Variants in SYN3 observed in about 807,000 individuals in gnomAD.
SYN3 encodes synapsin III.
Under a neutral mutation model 65.8 loss-of-function variants are expected in SYN3, and 35 were observed. The observed-to-expected ratio is 0.53, with a 90% CI of 0.41 to 0.70. SYN3 has a LOEUF of 0.70. Ranked by LOEUF, SYN3 falls within the 30% of genes least tolerant of loss-of-function variation. The pLI, the probability that SYN3 is intolerant of heterozygous loss-of-function variation, is 0.00. For synonymous variants in SYN3, 270 were observed against 292.9 expected (o/e 0.92, Z 0.80); for missense variants, 680 against 749.0 (o/e 0.91, Z 1.08).
At chr22:32,992,490 G>A (rs186572992) in intron 2 of SYN3, among the ~76,000 whole-genome samples, 186 of 152,230 alleles carry the variant, frequency 1.2e-3, no homozygotes, top group Middle Eastern at 3.4e-3. Flanking sequence ...AGCTTGGGGG[G>A]TTTCTAAACT....
At chr22:32,800,698 G>A (rs1182135887) in intron 6 of SYN3, among the ~76,000 whole-genome samples, 1 of 152,266 alleles carries the variant, frequency 6.6e-6, no homozygotes, top group East Asian at 1.9e-4. Flanking sequence ...CCTTGCTGAA[G>A]GGTGGAGCTC....
At chr22:32,777,796 C>T (rs2045945034) in intron 6 of SYN3, among the ~76,000 whole-genome samples, 1 of 151,812 alleles carries the variant, frequency 6.6e-6, no homozygotes. Flanking sequence ...TGAATTAACT[C>T]TTTTTTTTGT....
intron 1 of SYN3, among the ~76,000 whole-genome samples, chr22:33,028,643 A>ATGGTGGTGGTGGTGGTGATGG (rs2053680781): frequency 1.1e-5 from 1 of 93,136 alleles, no homozygotes; most frequent in South Asian, 4.4e-4. Context: ...AAGAACCATG[A>ATGGTGGTGGTGGTGGTGATGG]TGGTGGTGGT....
In SYN3 at chr22:32,801,860, GGAGGGCAGC is replaced by G; in HGVS notation, c.711+63046_711+63054del. 9.0e-7 allele frequency: 1 copy of G among 1,106,096 alleles called. No homozygotes were observed. The highest frequency in any genetic ancestry group is 1.1e-6 in the Non-Finnish European group (1 of 875,176). 68.5% of individuals were successfully genotyped at this position (1,106,096 alleles called of 1,614,324 possible). A position where few individuals can be genotyped will look rare whatever the true frequency, so the allele number is the denominator to read the frequency against. On this transcript the variant is annotated intron_variant, in intron 6 of 13. Transcript: ENST00000358763. This position sits in a 1 kb window ranked among gnomAD's most constrained non-coding sequence, Gnocchi z 4.7. ...CCCCATCCCGTCCCGCCGGGCACTCGGAGGGCAGCGCGCCGGAGGCCAAGGTTGCCCCGC... is the reference window on the plus strand; with the variant it reads ...CCCCATCCCGTCCCGCCGGGCACTCGGCGCCGGAGGCCAAGGTTGCCCCGC...
intron 7 of SYN3, among the ~76,000 whole-genome samples, chr22:32,562,258 C>T (rs143833599): frequency 3.3e-5 from 5 of 152,352 alleles, no homozygotes; most frequent in East Asian, 1.9e-4. Context: ...CGTCTCCAGC[C>T]GACTGGAACC....
chr22:32,683,315 G>T (rs1260163677), intron 6 of SYN3, among the ~76,000 whole-genome samples: 1 of 152,032 alleles, frequency 6.6e-6, no homozygotes, highest in Non-Finnish European at 1.5e-5. Context: ...CCTGGGGTAG[G>T]TGATCAGGCT....
chr22:32,986,073 G>A (rs1219167626), intron 2 of SYN3, among the ~76,000 whole-genome samples: 3 of 152,062 alleles, frequency 2.0e-5, no homozygotes, highest in African/African-American at 4.8e-5. Context: ...ACCAGAAACT[G>A]AGTCTCCATG....
At chr22:32,935,347 C>T (rs866692976) in intron 3 of SYN3, among the ~76,000 whole-genome samples, 6 of 151,662 alleles carry the variant, frequency 4.0e-5, no homozygotes, top group Middle Eastern at 3.4e-3. Flanking sequence ...AGTTATTCAC[C>T]TATATCGCAA....
chr22:32,816,465 G>T (rs1211570248), intron 6 of SYN3, among the ~76,000 whole-genome samples: 1 of 152,202 alleles, frequency 6.6e-6, no homozygotes, highest in Non-Finnish European at 1.5e-5. Context: ...CTTCCTGCAG[G>T]CTGGAGACCT....
chr22:32,992,219 C>G (rs1041100989), intron 2 of SYN3, among the ~76,000 whole-genome samples: 1 of 152,196 alleles, frequency 6.6e-6, no homozygotes, highest in Admixed American at 6.5e-5. Context: ...ACTTCAGGGC[C>G]GAGCCTCCCT....
rs543558443 is a variant in SYN3, at chr22:32,508,826, CACTCTCTTG to C, written c.*4857_*4865del. 3.2e-3 allele frequency among the ~76,000 whole-genome samples: 485 copies of C among 152,340 alleles called. 2 individuals are homozygous for C. The highest frequency in any genetic ancestry group is 0.01 in the African/African-American group (426 of 41,570). ...GTGCCAAGCAATGTGCTCTGAGCTT[CACTCTCTTG>C]ACCCATGCACAAGATACCTGCACTA... On this transcript the variant is annotated 3_prime_UTR_variant, in exon 14 of 14. Transcript: ENST00000358763.
chr22:32,538,015 T>C, intron 9 of SYN3, 21 bp downstream of exon 9: 4 of 1,612,466 alleles, frequency 2.5e-6, no homozygotes, highest in Non-Finnish European at 2.5e-6. Flanking sequence ...TGCCTCTCCC[T>C]ACACCTCCTT....
rs2057687446 is a variant in SYN3, at chr22:32,511,169, C to T, written c.*2523G>A. 6.6e-6 allele frequency among the ~76,000 whole-genome samples: 1 copy of T among 152,126 alleles called. No individual in the cohort carries two copies. Among genetic ancestry groups the T allele is most frequent in the Non-Finnish European group, 1.5e-5 (1 of 68,032 alleles). On this transcript the variant is annotated 3_prime_UTR_variant, in exon 14 of 14. Coordinates refer to ENST00000358763, the MANE Select transcript of SYN3 (RefSeq NM_003490.4). ...ACCTCCCGTCTCTTTTCCCTATGCC[C>T]CACTTGGCTTTCTTCAGAAATTCCA...
At chr22:32,991,503 G>A (rs532182314) in intron 2 of SYN3, among the ~76,000 whole-genome samples, 8 of 152,248 alleles carry the variant, frequency 5.3e-5, no homozygotes, top group African/African-American at 1.9e-4. Flanking sequence ...TGCCTCAGAG[G>A]AGGCATCGGT....
intron 1 of SYN3, among the ~76,000 whole-genome samples, chr22:33,018,658 C>T (rs2053511479): frequency 1.3e-5 from 2 of 152,150 alleles, no homozygotes; most frequent in Non-Finnish European, 2.9e-5. Context: ...GAGAGCTGCC[C>T]CACAGCGGCA....
At chr22:32,681,313 A>G (rs375263477) in intron 6 of SYN3, among the ~76,000 whole-genome samples, 1 of 152,146 alleles carries the variant, frequency 6.6e-6, no homozygotes, top group South Asian at 2.1e-4. Flanking sequence ...AAGGTCAGGG[A>G]TAGTGCCAAA....
chr22:32,871,739 C>T lies in SYN3; in HGVS notation c.462-2614G>A, dbSNP rs551239002. On this transcript the variant is annotated intron_variant, in intron 4 of 13. Coordinates refer to ENST00000358763, the MANE Select transcript of SYN3 (RefSeq NM_003490.4). ...CCTCCCACATCAGCCTCCCAAGTAG[C>T]TGGGACTACAGGTGCGCACCACCAC... Among the ~76,000 whole-genome samples the T allele has an allele frequency of 1.1e-4, 17 of 152,260 alleles. 1 individual carries two copies. In the South Asian group the frequency reaches 3.3e-3, roughly 30 times the overall value.
intron 6 of SYN3, among the ~76,000 whole-genome samples, chr22:32,772,542 T>C (rs903796269): frequency 2.0e-5 from 3 of 152,142 alleles, no homozygotes; most frequent in African/African-American, 7.2e-5. Flanking sequence ...TCCTCACCCC[T>C]AAAGCCCATA....
At chr22:32,658,996 C>T (rs2060180291) in intron 6 of SYN3, among the ~76,000 whole-genome samples, 1 of 152,162 alleles carries the variant, frequency 6.6e-6, no homozygotes, top group African/African-American at 2.4e-5. Context: ...CTGGTAGATG[C>T]TAGCATGAAC....
Sources: allele counts gnomAD v4.1 joint callset (sites outside exome capture counted in the v4.1 genomes callset), GRCh38; gene constraint gnomAD v4.1.1; non-coding constraint Gnocchi (gnomAD v3.1); transcripts MANE v1.5; gene names NCBI Gene and HGNC (gene_info 2026-07-23, HGNC 2026-07-21).